FMN2: variants seen among roughly 807,000 people sequenced by gnomAD.
FMN2 encodes formin-2.
Under a neutral mutation model 142.3 loss-of-function variants are expected in FMN2, and 51 were observed. The ratio of observed to expected loss-of-function variants is 0.36; its 90% CI spans 0.29 to 0.45. The LOEUF (loss-of-function observed/expected upper bound fraction) is 0.45. Among genes scored for constraint, FMN2 ranks in the 20% least tolerant of loss-of-function variants. The probability of loss-of-function intolerance (pLI) is 1.00; values close to 1 mark genes in which losing one functional copy is unlikely to be tolerated. For missense variants in FMN2, 1,936 were observed against 2,122.8 expected (o/e 0.91, Z 1.73); for synonymous variants, 882 against 869.8 (o/e 1.01, Z -0.25).
rs1675122022 is a variant in FMN2 at position 240,430,399 on chromosome 1, C to T, written c.4911-7662C>T. Among the ~76,000 whole-genome samples the T allele has an allele frequency of 2.0e-5, 3 of 152,040 alleles. No individual in the cohort carries two copies. In the South Asian group the frequency reaches 6.2e-4, roughly 31 times the overall value. On this transcript the variant is annotated intron_variant, in intron 15 of 17. Transcript: ENST00000319653. ...AATTTTAATTGTTCTACATTCTCCC[C>T]AACATGTGAGACTTTATCAAGTCTT... is the stretch of plus-strand genomic sequence containing the variant.
intron 14 of FMN2, among the ~76,000 whole-genome samples, chr1:240,387,936 G>C (rs554127704): frequency 2.6e-5 from 4 of 152,084 alleles, no homozygotes; most frequent in African/African-American, 9.6e-5. Flanking sequence ...CCAGCACTTT[G>C]GGAGGCCGAG....
chr1:240,416,960 T>C (rs1674597759), intron 15 of FMN2, among the ~76,000 whole-genome samples: 1 of 151,986 alleles, frequency 6.6e-6, no homozygotes, highest in Admixed American at 6.6e-5. Context: ...AATATCCCAC[T>C]AGTTTTTAAA....
chr1:240,180,754 A>T (rs981853692), intron 3 of FMN2, among the ~76,000 whole-genome samples: 2 of 151,712 alleles, frequency 1.3e-5, no homozygotes, highest in African/African-American at 4.8e-5. Context: ...TTTAGTAGAG[A>T]CAGGGTTTCA....
chr1:240,436,701 T>G (rs1675386922), intron 15 of FMN2, among the ~76,000 whole-genome samples: 1 of 152,040 alleles, frequency 6.6e-6, no homozygotes, highest in Non-Finnish European at 1.5e-5. Flanking sequence ...CTCAATATTT[T>G]AATGCTCAAA....
At chr1:240,162,346 C>A (rs1241685681) in intron 2 of FMN2, among the ~76,000 whole-genome samples, 1 of 151,862 alleles carries the variant, frequency 6.6e-6, no homozygotes, top group East Asian at 1.9e-4. Context: ...TGCCTGTAGT[C>A]CCAGCTACTC....
chr1:240,174,786 A>G (rs766724560), intron 2 of FMN2, among the ~76,000 whole-genome samples: 15 of 152,204 alleles, frequency 9.9e-5, no homozygotes, highest in Non-Finnish European at 1.6e-4. Flanking sequence ...ACAGCCTTGC[A>G]TTTACTGTTT....
intron 15 of FMN2, among the ~76,000 whole-genome samples, chr1:240,429,485 TA>T (rs1345118383): frequency 1.3e-5 from 2 of 152,214 alleles, no homozygotes; most frequent in Non-Finnish European, 2.9e-5. Context: ...GCGTAATTTG[TA>T]AACATTAAAA....
At chr1:240,265,678 G>A (rs1467948674) in intron 7 of FMN2, among the ~76,000 whole-genome samples, 1 of 152,092 alleles carries the variant, frequency 6.6e-6, no homozygotes, top group Non-Finnish European at 1.5e-5. Context: ...TTGAATCTCA[G>A]CTCTGCCACT....
In FMN2 at chr1:240,459,717, T is replaced by TTAAAA. The variant is rs1471697427; in HGVS notation, c.5061-12655_5061-12654insTAAAA. 3.4e-4 allele frequency among the ~76,000 whole-genome samples: 23 copies of TTAAAA among 67,124 alleles called. 3 individuals carry two copies. The highest frequency in any genetic ancestry group is 1.1e-3 in the African/African-American group (22 of 19,480). 44.0% of individuals were successfully genotyped at this position (67,124 alleles called of 152,430 possible). A position where few individuals can be genotyped will look rare whatever the true frequency, so the allele number is the denominator to read the frequency against. ...GGGTGACAGAACAAGACTCTGTCTC[T>TTAAAA]AAAAAAAAAAAAAAAAAAAAAAAAA... On this transcript the variant is annotated intron_variant, in intron 16 of 17. Transcript: ENST00000319653.
rs1040454587 is a variant in FMN2 at position 240,473,394 on chromosome 1, C to A, written c.5143-734C>A. On this transcript the variant is annotated intron_variant, in intron 17 of 17. Transcript: ENST00000319653. The surrounding 1 kb of genome is among the most constrained non-coding windows in gnomAD (Gnocchi z 4.3). ...TGTGATACTGAGGATGTTTTGTTGA[C>A]TGTTTTGAGGGATTATCACTTGGTA... Among the ~76,000 whole-genome samples the A allele has an allele frequency of 1.3e-5, 2 of 152,126 alleles. No homozygotes were observed. The highest frequency in any genetic ancestry group is 2.4e-5 in the African/African-American group (1 of 41,420).
chr1:240,410,905 CCT>C (rs759104402), intron 15 of FMN2, among the ~76,000 whole-genome samples: 7 of 152,056 alleles, frequency 4.6e-5, no homozygotes, highest in Non-Finnish European at 8.8e-5. Flanking sequence ...CCAACCCTAC[CCT>C]CTCTTATATT....
intron 6 of FMN2, among the ~76,000 whole-genome samples, chr1:240,229,073 T>C (rs1216185910): frequency 6.6e-6 from 1 of 151,786 alleles, no homozygotes; most frequent in East Asian, 2.0e-4. Flanking sequence ...CAGAGACAGA[T>C]TTGCTGTGTT....
chr1:240,470,355 G>GT (rs1676769500), intron 16 of FMN2, among the ~76,000 whole-genome samples: 1 of 152,150 alleles, frequency 6.6e-6, no homozygotes, highest in African/African-American at 2.4e-5. Context: ...TTTAGAGGAA[G>GT]GATTAAAGGC....
chr1:240,442,711 G>C (rs1004987931), intron 16 of FMN2, among the ~76,000 whole-genome samples: 10 of 152,302 alleles, frequency 6.6e-5, no homozygotes, highest in Admixed American at 1.3e-4. Context: ...TCTGATTACA[G>C]AGTGATAATA....
intron 2 of FMN2, among the ~76,000 whole-genome samples, chr1:240,131,407 C>A (rs1366505919): frequency 6.6e-6 from 1 of 152,004 alleles, no homozygotes; most frequent in Non-Finnish European, 1.5e-5. Context: ...TGGGGAACAG[C>A]CATGAAAGAA....
In FMN2 at chr1:240,429,193, T is replaced by C. The variant is rs553439465; in HGVS notation, c.4911-8868T>C. Reference sequence around the variant, plus strand: ...TTTTGAGTTTTGTTTTCATAGCCTTTATCATTTTATTAATATCTTTTAGCC... The same window carrying C: ...TTTTGAGTTTTGTTTTCATAGCCTTCATCATTTTATTAATATCTTTTAGCC... On this transcript the variant is annotated intron_variant, in intron 15 of 17. Transcript: ENST00000319653. Among the ~76,000 whole-genome samples, 744 of 152,314 alleles carry C rather than the reference T, an allele frequency of 4.9e-3. 3 individuals carry two copies. The highest frequency in any genetic ancestry group is 0.01 in the Middle Eastern group (3 of 294).
intron 2 of FMN2, among the ~76,000 whole-genome samples, chr1:240,149,625 A>C (rs1343523711): frequency 6.6e-6 from 1 of 152,192 alleles, no homozygotes; most frequent in East Asian, 1.9e-4. Flanking sequence ...CTCATTTTGG[A>C]AATTTCTTCT....
intron 4 of FMN2, among the ~76,000 whole-genome samples, chr1:240,200,378 G>A (rs1489257141): frequency 2.0e-5 from 3 of 152,174 alleles, no homozygotes; most frequent in African/African-American, 7.2e-5. Flanking sequence ...CTTCTGACAA[G>A]CAATGGAGCT....
At chr1:240,290,866 C>T (rs1056817176) in intron 7 of FMN2, among the ~76,000 whole-genome samples, 1 of 143,790 alleles carries the variant, frequency 7.0e-6, no homozygotes, top group East Asian at 2.1e-4. Flanking sequence ...TCTTGGCTCA[C>T]GTAGATCTTG....
Sources: gnomAD v4.1 joint callset for allele counts (sites outside exome capture counted in the v4.1 genomes callset) on GRCh38, gnomAD v4.1.1 for gene constraint, Gnocchi (gnomAD v3.1) non-coding constraint, MANE v1.5 for transcripts, NCBI Gene and HGNC (gene_info 2026-07-23, HGNC 2026-07-21) for gene names.